Variants in PCCA observed in about 807,000 individuals in gnomAD.
PCCA encodes the protein propionyl-CoA carboxylase alpha chain, mitochondrial.
A neutral mutation model predicts 101.3 loss-of-function variants in PCCA; 74 were observed. The ratio of observed to expected loss-of-function variants is 0.73; its 90% CI spans 0.61 to 0.89. The LOEUF is 0.89. PCCA is among the 40% of genes least tolerant of loss of function. The probability of loss-of-function intolerance (pLI) is 0.00; values close to 1 mark genes in which losing one functional copy is unlikely to be tolerated. For synonymous variants in PCCA, 294 were observed against 313.6 expected (o/e 0.94, Z 0.66); for missense variants, 891 against 907.0 (o/e 0.98, Z 0.23).
At chr13:100,282,991 A>AG (rs2064263438) in intron 12 of PCCA, among the ~76,000 whole-genome samples, 1 of 152,022 alleles carries the variant, frequency 6.6e-6, no homozygotes, top group Non-Finnish European at 1.5e-5. Context: ...TTCAAGCTGT[A>AG]GGGGGAGGGG....
intron 4 of PCCA, among the ~76,000 whole-genome samples, chr13:100,121,349 G>A (rs530977336): frequency 2.6e-4 from 40 of 151,604 alleles, no homozygotes; most frequent in Middle Eastern, 3.4e-3. Flanking sequence ...TAGTAGAGAT[G>A]GGGTTTCACC....
At chr13:100,456,360 C>T (rs1045175944) in intron 21 of PCCA, among the ~76,000 whole-genome samples, 1 of 152,154 alleles carries the variant, frequency 6.6e-6, no homozygotes, top group Non-Finnish European at 1.5e-5. Flanking sequence ...ACTTTTATGA[C>T]TCATTCTTGT....
At chr13:100,450,873 A>G (rs562107603) in intron 21 of PCCA, among the ~76,000 whole-genome samples, 7 of 152,360 alleles carry the variant, frequency 4.6e-5, no homozygotes, top group South Asian at 2.1e-4. Flanking sequence ...TTGAAATACA[A>G]TTCAAATGTA....
chr13:100,125,079 C>T (rs996240781), intron 4 of PCCA, among the ~76,000 whole-genome samples: 3 of 151,952 alleles, frequency 2.0e-5, no homozygotes, highest in South Asian at 2.1e-4. Flanking sequence ...TGACTAAAGT[C>T]AGGCTTGGAA....
rs2056400624 is a variant in PCCA, at chr13:100,177,967, TC to T, written c.468+20628del. 2.0e-5 allele frequency among the ~76,000 whole-genome samples: 3 copies of T among 152,190 alleles called. No homozygotes were observed. The South Asian group carries it at 6.2e-4, about 32-fold the overall frequency. On this transcript the variant is annotated intron_variant, in intron 6 of 23. Transcript: ENST00000376285. ...TTTCTCTTTTCCCTGTTATAACAGTTCTATGTAGTAGTAGAGGTAGAATTCT... is the reference window on the plus strand; with the variant it reads ...TTTCTCTTTTCCCTGTTATAACAGTTTATGTAGTAGTAGAGGTAGAATTCT...
intron 11 of PCCA, among the ~76,000 whole-genome samples, chr13:100,269,107 C>T (rs547975011): frequency 3.3e-5 from 5 of 152,304 alleles, no homozygotes; most frequent in Admixed American, 1.3e-4. Context: ...CTCAGCCTCC[C>T]GAAGTGCTGG....
intron 12 of PCCA, among the ~76,000 whole-genome samples, chr13:100,280,744 G>T (rs2064038741): frequency 1.3e-5 from 2 of 152,048 alleles, no homozygotes; most frequent in South Asian, 4.1e-4. Context: ...TATATTAAAT[G>T]GAAAACTTTA....
rs569315350 is a variant in PCCA at position 100,340,369 on chromosome 13, A to T, written c.1643+110A>T. 5.5e-6 allele frequency: 4 copies of T among 725,534 alleles called. No homozygotes were observed. The African/African-American group carries it at 7.0e-5, about 13-fold the overall frequency. 44.9% of individuals were successfully genotyped at this position (725,534 alleles called of 1,614,324 possible). ...GGCTGATCTCAGTTCTAGAGATCTT[A>T]TGGGTCTTTGGAGAAGTATAATAAA... is the stretch of plus-strand genomic sequence containing the variant. On this transcript the variant is annotated intron_variant, in intron 18 of 23. Coordinates refer to ENST00000376285, the MANE Select transcript of PCCA (RefSeq NM_000282.4).
Position 100,218,140 on chromosome 13 carries a change from G to A in PCCA, c.600+8677G>A, listed in dbSNP as rs375223070. ...GGTTACATTTTGACCATTGCAATTA[G>A]TATTGCTACAAATATTTGTATGCAA... On this transcript the variant is annotated intron_variant, in intron 7 of 23. Coordinates refer to ENST00000376285, the MANE Select transcript of PCCA (RefSeq NM_000282.4). Among the ~76,000 whole-genome samples the A allele has an allele frequency of 9.6e-4, 145 of 151,466 alleles. 4 individuals are homozygous for A. In the South Asian group the frequency reaches 0.028, roughly 29 times the overall value.
chr13:100,281,591 A>T (rs376360430), intron 12 of PCCA, among the ~76,000 whole-genome samples: 3 of 152,256 alleles, frequency 2.0e-5, no homozygotes, highest in African/African-American at 7.2e-5. Context: ...TACTTTGTTT[A>T]AAAAAATCTA....
At position 100,143,051 on chromosome 13, in the gene PCCA, A is replaced by G. The variant is rs1015449887; in HGVS notation, c.301-11928A>G. ...AATTCCAAGGAAGGTAGGAGTTGAGATACAGGTACCCTTCTGTTTTTCAAT... is the reference window on the plus strand; with the variant it reads ...AATTCCAAGGAAGGTAGGAGTTGAGGTACAGGTACCCTTCTGTTTTTCAAT... On this transcript the variant is annotated intron_variant, in intron 4 of 23. Coordinates refer to ENST00000376285, the MANE Select transcript of PCCA (RefSeq NM_000282.4). 2.0e-5 allele frequency among the ~76,000 whole-genome samples: 3 copies of G among 152,152 alleles called. No homozygotes were observed. In the East Asian group the frequency reaches 5.8e-4, roughly 29 times the overall value.
At chr13:100,183,625 G>T (rs1458965144) in intron 6 of PCCA, among the ~76,000 whole-genome samples, 1 of 152,186 alleles carries the variant, frequency 6.6e-6, no homozygotes, top group Admixed American at 6.5e-5. Context: ...AGGCAGGGGA[G>T]ATGATAGAGG....
intron 19 of PCCA, among the ~76,000 whole-genome samples, chr13:100,384,157 C>G (rs2076377166): frequency 6.6e-6 from 1 of 152,006 alleles, no homozygotes. Flanking sequence ...TCCCGAGTAG[C>G]TGGGATTACA....
chr13:100,457,767 C>G (rs569129906), intron 21 of PCCA, among the ~76,000 whole-genome samples: 10 of 152,304 alleles, frequency 6.6e-5, no homozygotes, highest in Admixed American at 5.2e-4. Context: ...ATGCAAGAGA[C>G]CTGGGGGTGA....
chr13:100,301,461 T>G lies in PCCA; in HGVS notation c.1067T>G (p.Val356Gly). The G allele has an allele frequency of 6.2e-7, 1 of 1,614,088 alleles. No homozygotes were observed. The highest frequency in any genetic ancestry group is 8.5e-7 in the Non-Finnish European group (1 of 1,179,930). The change falls in exon 13 of 24, where the codon GTT becomes GGT. Residue 356 changes from valine (V) to glycine (G), a missense_variant and splice_region_variant. Physicochemically the swap from Val to Gly is moderately radical, Grantham distance 109. Transcript: ENST00000376285. Reference protein sequence around the residue: ...YFLEMNTRLQVEHPVTECITG... With the variant: ...YFLEMNTRLQGEHPVTECITG... ...GACTGGCAGACCTTGGCCTTGCAGG[T>G]TGAGCATCCTGTCACAGAATGCATT...
chr13:100,445,122 A>AGGG (rs1418928866), intron 20 of PCCA, among the ~76,000 whole-genome samples: 2 of 152,132 alleles, frequency 1.3e-5, no homozygotes, highest in Non-Finnish European at 1.5e-5. Flanking sequence ...GTGAGAGAGA[A>AGGG]GGGAGGGAGG....
At chr13:100,150,787 C>T (rs2053218127) in intron 4 of PCCA, 1 of 1,587,014 alleles carries the variant, frequency 6.3e-7, no homozygotes, top group South Asian at 1.1e-5. Context: ...CAGCTTGCTC[C>T]TCTGCAACGG....
chr13:100,525,336 GA>G (rs2087702099), intron 22 of PCCA, among the ~76,000 whole-genome samples: 4 of 152,142 alleles, frequency 2.6e-5, no homozygotes, highest in Admixed American at 2.6e-4. Flanking sequence ...TTTTTCTGAT[GA>G]ACAACTGGGG....
At chr13:100,294,382 T>C (rs1225119908) in intron 12 of PCCA, among the ~76,000 whole-genome samples, 1 of 152,218 alleles carries the variant, frequency 6.6e-6, no homozygotes, top group Non-Finnish European at 1.5e-5. Context: ...CATTTCTTCA[T>C]GTGATTATTA....
Sources: gnomAD v4.1 joint callset for allele counts (sites outside exome capture counted in the v4.1 genomes callset) on GRCh38, gnomAD v4.1.1 for gene constraint, MANE v1.5 for transcripts, NCBI Gene and HGNC (gene_info 2026-07-23, HGNC 2026-07-21) for gene names.